Variants in DHX35 observed in about 807,000 individuals in gnomAD.
DHX35 encodes the protein DEAH-box helicase 35, also known as probable ATP-dependent RNA helicase DHX35.
In DHX35, 84 loss-of-function variants were observed where a neutral mutation model predicts 99.6. The ratio of observed to expected loss-of-function variants is 0.84; its 90% CI spans 0.71 to 1.01. The LOEUF is 1.01. Among genes scored for constraint, DHX35 ranks in the 50% least tolerant of loss-of-function variants. DHX35 has a pLI of 0.00. For synonymous variants in DHX35, 331 were observed against 316.2 expected (o/e 1.05, Z -0.50); for missense variants, 852 against 888.5 (o/e 0.96, Z 0.52).
At position 39,019,695 on chromosome 20, in the gene DHX35, T is replaced by C. The variant is rs929073607; in HGVS notation, c.1498+796T>C. Among the ~76,000 whole-genome samples, 8 of 152,240 alleles carry C rather than the reference T, an allele frequency of 5.3e-5. No homozygotes were observed. In the South Asian group the frequency reaches 8.3e-4, roughly 16 times the overall value. Reference sequence around the variant, plus strand: ...ACATATTCACCAACTCACCAACTTATCATTTTTTTTGTGCTAAGAATTTGT... The same window carrying C: ...ACATATTCACCAACTCACCAACTTACCATTTTTTTTGTGCTAAGAATTTGT... On this transcript the variant is annotated intron_variant, in intron 15 of 21. Transcript: ENST00000252011.
At chr20:39,003,415 A>C (rs1426118049) in intron 10 of DHX35, among the ~76,000 whole-genome samples, 3 of 152,222 alleles carry the variant, frequency 2.0e-5, no homozygotes, top group Non-Finnish European at 2.9e-5. Context: ...ATATGCTGCA[A>C]CTTGTCTATA....
intron 1 of DHX35, among the ~76,000 whole-genome samples, chr20:38,966,709 G>C (rs1041826882): frequency 2.6e-5 from 4 of 152,156 alleles, no homozygotes; most frequent in Non-Finnish European, 5.9e-5. Flanking sequence ...GGGGCTGTAG[G>C]TTAGAGACAA....
intron 5 of DHX35, among the ~76,000 whole-genome samples, chr20:38,990,843 C>T (rs1421692967): frequency 1.3e-5 from 2 of 152,078 alleles, no homozygotes; most frequent in African/African-American, 2.4e-5. Context: ...TTCACATTAA[C>T]TTGGTGAGGT....
At chr20:38,972,463 C>T (rs2086017241) in intron 2 of DHX35, 96 bp from the exon 3 acceptor site, 2 of 778,272 alleles carry the variant, frequency 2.6e-6, no homozygotes, top group South Asian at 1.6e-5. Context: ...ATTCACTTTC[C>T]TTTGAAAACA....
At chr20:39,021,577 C>A (rs1230020368) in intron 15 of DHX35, among the ~76,000 whole-genome samples, 1 of 152,130 alleles carries the variant, frequency 6.6e-6, no homozygotes, top group African/African-American at 2.4e-5. Flanking sequence ...CTCACTGCAG[C>A]CTTGACCTCC....
intron 2 of DHX35, among the ~76,000 whole-genome samples, chr20:38,971,722 A>G (rs1400385659): frequency 6.6e-6 from 1 of 152,186 alleles, no homozygotes; most frequent in East Asian, 1.9e-4. Flanking sequence ...CTAGGGTATT[A>G]TTCACACTGT....
Position 39,021,830 on chromosome 20 carries a change from T to C in DHX35, c.1499-11T>C, listed in dbSNP as rs761598957. 21 of 1,613,878 alleles carry C rather than the reference T, an allele frequency of 1.3e-5. No homozygotes were observed. The South Asian group carries it at 2.3e-4, about 18-fold the overall frequency. On this transcript the variant is annotated splice_polypyrimidine_tract_variant and intron_variant, in intron 15 of 21. Coordinates refer to ENST00000252011, the MANE Select transcript of DHX35 (RefSeq NM_021931.4). ...ATATGGTTGAAACCAAACATGCTTT[T>C]TGTTTTACAGGAAACTTCGGCTGTT...
chr20:38,972,105 G>A (rs2086010540), intron 2 of DHX35, among the ~76,000 whole-genome samples: 1 of 148,886 alleles, frequency 6.7e-6, no homozygotes, highest in African/African-American at 2.5e-5. Flanking sequence ...CCCCGCCTGG[G>A]TTCAAGCAAT....
intron 3 of DHX35, among the ~76,000 whole-genome samples, chr20:38,979,724 T>C (rs1423401190): frequency 6.6e-6 from 1 of 152,140 alleles, no homozygotes; most frequent in East Asian, 1.9e-4. Context: ...TTTTCTCTCT[T>C]GTTAGATTTA....
intron 11 of DHX35, among the ~76,000 whole-genome samples, chr20:39,005,654 A>G (rs2086603182): frequency 6.6e-6 from 1 of 152,104 alleles, no homozygotes; most frequent in African/African-American, 2.4e-5. Flanking sequence ...TAGAATGTAA[A>G]CTCTGGCAGA....
At chr20:39,032,073 TG>T (rs2087063430) in intron 20 of DHX35, among the ~76,000 whole-genome samples, 1 of 152,274 alleles carries the variant, frequency 6.6e-6, no homozygotes, top group South Asian at 2.1e-4. Flanking sequence ...ATATTTTTCT[TG>T]TTTACAATTT....
intron 21 of DHX35, among the ~76,000 whole-genome samples, chr20:39,036,295 C>G (rs1056481734): frequency 5.3e-5 from 8 of 152,204 alleles, no homozygotes; most frequent in African/African-American, 1.9e-4. Flanking sequence ...GAGCAAATAG[C>G]TTCAGAAATT....
chr20:39,009,458 G>GT (rs2086666462), intron 12 of DHX35, among the ~76,000 whole-genome samples: 1 of 151,780 alleles, frequency 6.6e-6, no homozygotes, highest in Non-Finnish European at 1.5e-5. Context: ...CTAAATGGAA[G>GT]TTGGGTCACC....
chr20:38,968,544 GTTTCTTT>G (rs2085943557), intron 1 of DHX35, among the ~76,000 whole-genome samples: 1 of 151,936 alleles, frequency 6.6e-6, no homozygotes, highest in Non-Finnish European at 1.5e-5. Context: ...CTGCCATCTC[GTTTCTTT>G]TTTCTTTTTT....
rs770251881 is a variant in DHX35 at position 38,972,599 on chromosome 20, CAGT to C, written c.216_218del (p.Val74del). The stretch of plus-strand genomic sequence containing the variant: ...TTATACTTGATAGAAAATTATCAGA[CAGT>C]GGTGATTGTTGGTGAAACAGGATGT... On this transcript the variant is annotated inframe_deletion, in exon 3 of 22. Coordinates refer to ENST00000252011, the MANE Select transcript of DHX35 (RefSeq NM_021931.4). The C allele has an allele frequency of 2.8e-5, 45 of 1,612,532 alleles. No homozygotes were observed. Among genetic ancestry groups the C allele is most frequent in the Non-Finnish European group, 3.5e-5 (41 of 1,178,864 alleles).
At chr20:39,012,572 C>G (rs2086721245) in intron 13 of DHX35, among the ~76,000 whole-genome samples, 1 of 151,980 alleles carries the variant, frequency 6.6e-6, no homozygotes, top group Non-Finnish European at 1.5e-5. Context: ...CTCTGTCACC[C>G]AGGCTGGAGT....
At chr20:39,025,179 A>G (rs1347863947) in intron 17 of DHX35, 51 bp from the exon 18 acceptor site, 2 of 1,560,712 alleles carry the variant, frequency 1.3e-6, no homozygotes, top group African/African-American at 2.7e-5. Flanking sequence ...ACATAGCCTT[A>G]GTCGAGAACA....
At chr20:38,997,412 C>G (rs1324672110) in intron 8 of DHX35, among the ~76,000 whole-genome samples, 9 of 152,006 alleles carry the variant, frequency 5.9e-5, no homozygotes, top group Non-Finnish European at 1.5e-5. Flanking sequence ...TTCACAATTG[C>G]CTTTTATTGT....
At chr20:39,034,935 A>AT (rs1471174593) in intron 21 of DHX35, among the ~76,000 whole-genome samples, 2 of 151,744 alleles carry the variant, frequency 1.3e-5, no homozygotes, top group Non-Finnish European at 2.9e-5. Flanking sequence ...ATTAAAAAAA[A>AT]TTTTTTTAGG....
Sources: allele counts gnomAD v4.1 joint callset (sites outside exome capture counted in the v4.1 genomes callset), GRCh38; gene constraint gnomAD v4.1.1; transcripts MANE v1.5; gene names NCBI Gene and HGNC (gene_info 2026-07-23, HGNC 2026-07-21).